FGD6: variants seen among roughly 807,000 people sequenced by gnomAD.
FGD6 encodes FYVE, RhoGEF and PH domain-containing protein 6.
In FGD6, 90 loss-of-function variants were observed where a neutral mutation model predicts 149.4. That is an observed-to-expected ratio of 0.60 (90% confidence interval 0.51 to 0.72). The LOEUF (loss-of-function observed/expected upper bound fraction) is 0.72, where lower values mean the gene tolerates loss of function less well. FGD6 is among the 30% of genes least tolerant of loss of function. The probability of loss-of-function intolerance (pLI) is 0.00; values close to 1 mark genes in which losing one functional copy is unlikely to be tolerated. For missense variants in FGD6, 1,437 were observed against 1,684.8 expected, an observed-to-expected ratio of 0.85 and a Z score of 2.57; for synonymous variants, 527 against 584.0, an observed-to-expected ratio of 0.90 and a Z score of 1.41.
chr12:95,210,501 T>G lies in FGD6; in HGVS notation c.783A>C (p.Glu261Asp), dbSNP rs749216804. The change falls in exon 2 of 21, where the codon GAA becomes GAC. Residue 261 changes from glutamate to aspartate, a missense_variant. This residue lies in a region of FGD6 where 1,055 missense variants were observed against 1,146.0 expected (regional missense o/e 0.92). Coordinates refer to ENST00000343958, the MANE Select transcript of FGD6 (RefSeq NM_018351.4). ...EHFETCQDDS[E>D]KSNNCFQSSE... ...ATGACTGAAAGCAATTATTGCTTTT[T>G]TCACTGTCATCCTGGCAAGTTTCAA... 4 of 1,613,880 alleles carry G rather than the reference T, an allele frequency of 2.5e-6. No homozygotes were observed. In the East Asian group the frequency reaches 8.9e-5, roughly 36 times the overall value.
intron 9 of FGD6, among the ~76,000 whole-genome samples, chr12:95,109,292 C>G (rs533186717): frequency 1.1e-4 from 16 of 152,192 alleles, no homozygotes; most frequent in Non-Finnish European, 1.8e-4. Flanking sequence ...CAGTTATTCT[C>G]AACCCAAGGC....
At chr12:95,213,587 C>A (rs578222224) in intron 1 of FGD6, among the ~76,000 whole-genome samples, 1 of 152,140 alleles carries the variant, frequency 6.6e-6, no homozygotes, top group Admixed American at 6.5e-5. Context: ...TCAAATTAAT[C>A]TTTTACTTTC....
chr12:95,117,478 G>A (rs1879054313), intron 8 of FGD6, among the ~76,000 whole-genome samples: 1 of 151,774 alleles, frequency 6.6e-6, no homozygotes, highest in Non-Finnish European at 1.5e-5. Flanking sequence ...GCTGGAGTGT[G>A]CAGTGGTGTG....
At chr12:95,101,678 TTTC>T (rs1219423027) in intron 14 of FGD6, among the ~76,000 whole-genome samples, 1 of 103,514 alleles carries the variant, frequency 9.7e-6, no homozygotes, top group African/African-American at 4.1e-5. Flanking sequence ...TTCTTTGAAC[TTTC>T]TTTTTTTTTT....
Position 95,080,656 on chromosome 12 carries a change from T to C in FGD6, c.*864A>G, listed in dbSNP as rs1013678763. 4 of 152,188 alleles carry C rather than the reference T, an allele frequency of 2.6e-5. No individual in the cohort carries two copies. Among genetic ancestry groups the C allele is most frequent in the African/African-American group, 4.8e-5 (2 of 41,456 alleles). The allele number at this position is 152,188 out of a possible 1,614,324, so 9.4% of individuals were successfully genotyped here. On this transcript the variant is annotated 3_prime_UTR_variant, in exon 21 of 21. Transcript: ENST00000343958. ...TTACTTATAGATACAAATATCATCATTGACTTGGGCTCAGAACTCTTATAA... is the reference window on the plus strand; with the variant it reads ...TTACTTATAGATACAAATATCATCACTGACTTGGGCTCAGAACTCTTATAA...
At chr12:95,086,935 C>CAT (rs1877896734) in intron 18 of FGD6, among the ~76,000 whole-genome samples, 1 of 150,604 alleles carries the variant, frequency 6.6e-6, no homozygotes, top group African/African-American at 2.4e-5. Context: ...GCAACCTCTG[C>CAT]CTCTTGGGTC....
intron 5 of FGD6, among the ~76,000 whole-genome samples, chr12:95,143,629 G>T (rs1187577939): frequency 1.3e-5 from 2 of 152,010 alleles, no homozygotes; most frequent in Non-Finnish European, 2.9e-5. Flanking sequence ...AAACCAAATG[G>T]ATATCAGCCA....
chr12:95,136,082 G>C (rs544985843), intron 7 of FGD6, among the ~76,000 whole-genome samples: 2 of 152,170 alleles, frequency 1.3e-5, no homozygotes, highest in Non-Finnish European at 2.9e-5. Flanking sequence ...CATTTTGGTT[G>C]GGTGAGGTGG....
At chr12:95,120,744 C>A (rs1399114724) in intron 8 of FGD6, among the ~76,000 whole-genome samples, 3 of 151,954 alleles carry the variant, frequency 2.0e-5, no homozygotes, top group Non-Finnish European at 1.5e-5. Context: ...TGATACATAT[C>A]ACAAAAAACC....
Position 95,108,496 on chromosome 12 carries a change from CACTT to C in FGD6, c.3192+3_3192+6del, listed in dbSNP as rs1878706350. 3.7e-6 allele frequency: 6 copies of C among 1,614,158 alleles called. No homozygotes were observed. The highest frequency in any genetic ancestry group is 5.1e-6 in the Non-Finnish European group (6 of 1,180,012). ...ACCACACCAGCCACTGACAACAAGACACTTACTCCTTGCTTCATGGTGTCATTGG... is the reference window on the plus strand; with the variant it reads ...ACCACACCAGCCACTGACAACAAGACACTCCTTGCTTCATGGTGTCATTGG... On this transcript the variant is annotated splice_donor_5th_base_variant and intron_variant, in intron 10 of 20. Transcript: ENST00000343958.
chr12:95,186,275 G>A, intron 2 of FGD6, among the ~76,000 whole-genome samples: 1 of 98,766 alleles, frequency 1.0e-5, no homozygotes, highest in East Asian at 3.6e-4. Flanking sequence ...TTGAGACGGA[G>A]TCTTGCTGGG....
chr12:95,217,141 C>G lies in FGD6; in HGVS notation c.16+84G>C. 3 of 1,588,644 alleles carry G rather than the reference C, an allele frequency of 1.9e-6. No homozygotes were observed. In the South Asian group the frequency reaches 3.4e-5, roughly 18 times the overall value. The stretch of plus-strand genomic sequence containing the variant: ...GTACGGGGCACACAACTCGCCCACC[C>G]CGGCGAAGAAAGTTGCTCGCGAGCC... On this transcript the variant is annotated intron_variant, in intron 1 of 20. Transcript: ENST00000343958.
At position 95,108,544 on chromosome 12, in the gene FGD6, TAAC is replaced by T; in HGVS notation, c.3148_3150del (p.Val1050del). 1.9e-6 allele frequency: 3 copies of T among 1,614,040 alleles called. No individual in the cohort carries two copies. The highest frequency in any genetic ancestry group is 2.2e-5 in the East Asian group (1 of 44,880). ...TCATTGGCGTGGTTGGCTACCTCTA[TAAC>T]AACAGCAAGGGCATCTGAAATAGGC... On this transcript the variant is annotated inframe_deletion, in exon 10 of 21. Coordinates refer to ENST00000343958, the MANE Select transcript of FGD6 (RefSeq NM_018351.4).
At chr12:95,111,204 T>C (rs1205618291) in intron 9 of FGD6, among the ~76,000 whole-genome samples, 1 of 151,970 alleles carries the variant, frequency 6.6e-6, no homozygotes, top group Non-Finnish European at 1.5e-5. Context: ...TGGTCTTGAA[T>C]TCCTGGCCTC....
At chr12:95,200,394 T>C (rs906974742) in intron 2 of FGD6, among the ~76,000 whole-genome samples, 3 of 152,192 alleles carry the variant, frequency 2.0e-5, no homozygotes, top group African/African-American at 7.2e-5. Context: ...GAAACCAAAA[T>C]ACTTTGATAA....
At chr12:95,151,522 C>T (rs1880308780) in intron 5 of FGD6, among the ~76,000 whole-genome samples, 1 of 152,190 alleles carries the variant, frequency 6.6e-6, no homozygotes, top group Non-Finnish European at 1.5e-5. Flanking sequence ...CCCGCTTCAG[C>T]CTCCCACAGT....
At chr12:95,161,866 AT>A (rs1183791634) in intron 3 of FGD6, among the ~76,000 whole-genome samples, 27 of 152,174 alleles carry the variant, frequency 1.8e-4, no homozygotes, top group African/African-American at 6.5e-4. Flanking sequence ...ATTTGAAAAC[AT>A]TAGTGATCAT....
At chr12:95,092,360 A>G (rs1878084923) in intron 16 of FGD6, among the ~76,000 whole-genome samples, 1 of 152,206 alleles carries the variant, frequency 6.6e-6, no homozygotes, top group African/African-American at 2.4e-5. Flanking sequence ...ACTGAATACT[A>G]TGGATACTTA....
At chr12:95,183,006 A>T (rs1323000037) in intron 2 of FGD6, among the ~76,000 whole-genome samples, 1 of 152,232 alleles carries the variant, frequency 6.6e-6, no homozygotes, top group Non-Finnish European at 1.5e-5. Context: ...CCTTTTGGAA[A>T]ATATGACTAC....
Sources: allele counts gnomAD v4.1 joint callset (sites outside exome capture counted in the v4.1 genomes callset), GRCh38; gene constraint gnomAD v4.1.1; regional missense constraint gnomAD v4.1.1; transcripts MANE v1.5; gene names NCBI Gene and HGNC (gene_info 2026-07-23, HGNC 2026-07-21).